Variants in NECTIN1 observed in about 807,000 individuals in gnomAD.
NECTIN1 encodes the protein nectin-1.
Under a neutral mutation model 48.0 loss-of-function variants are expected in NECTIN1, and 23 were observed. The ratio of observed to expected loss-of-function variants is 0.48; its 90% CI spans 0.34 to 0.68. The LOEUF (loss-of-function observed/expected upper bound fraction) is 0.68. Ranked by LOEUF, NECTIN1 falls within the 30% of genes least tolerant of loss-of-function variation. The pLI is 0.01. For synonymous variants in NECTIN1, 270 were observed against 288.9 expected (o/e 0.93, Z 0.66); for missense variants, 591 against 709.9 (o/e 0.83, Z 1.90).
intron 1 of NECTIN1, among the ~76,000 whole-genome samples, chr11:119,690,425 T>A (rs1026154718): frequency 6.6e-6 from 1 of 152,090 alleles, no homozygotes; most frequent in Non-Finnish European, 1.5e-5. Flanking sequence ...GCAGTCTTTA[T>A]CCGATGTGCT....
Position 119,661,047 on chromosome 11 carries a change from T to G in NECTIN1, c.*3700A>C, listed in dbSNP as rs1864653815. On this transcript the variant is annotated 3_prime_UTR_variant, in exon 6 of 6. Transcript: ENST00000264025. ...TACATTTTTAATCCTCAGTACATTT[T>G]CAACCCATCATTTTTTTTTAATACA... 3 of 981,268 alleles carry G rather than the reference T, an allele frequency of 3.1e-6. No homozygotes were observed. Among genetic ancestry groups the G allele is most frequent in the Non-Finnish European group, 2.4e-6 (2 of 825,826 alleles). The allele number at this position is 981,268 out of a possible 1,614,324, so 60.8% of individuals were successfully genotyped here.
intron 1 of NECTIN1, among the ~76,000 whole-genome samples, chr11:119,702,156 G>C (rs528714578): frequency 2.0e-5 from 3 of 152,164 alleles, no homozygotes; most frequent in Non-Finnish European, 2.9e-5. Context: ...TCTGTGTGAT[G>C]TGATCTCATC....
chr11:119,664,405 G>A lies in NECTIN1; in HGVS notation c.*342C>T. On this transcript the variant is annotated 3_prime_UTR_variant, in exon 6 of 6. Transcript: ENST00000264025. ...CCAGTGTAGGGGGGCGGGGGAGGCT[G>A]GCTCCCCAAACCCTGGAGGGATGCC... is the stretch of plus-strand genomic sequence containing the variant. 1 of 1,094,554 alleles carries A rather than the reference G, an allele frequency of 9.1e-7. No homozygotes were observed. Among genetic ancestry groups the A allele is most frequent in the Non-Finnish European group, 1.1e-6 (1 of 898,728 alleles). 67.8% of individuals were successfully genotyped at this position (1,094,554 alleles called of 1,614,324 possible).
Position 119,673,016 on chromosome 11 carries a change from G to C in NECTIN1, c.1003+2143C>G, listed in dbSNP as rs1040238823. Among the ~76,000 whole-genome samples the C allele has an allele frequency of 6.6e-6, 1 of 152,148 alleles. No individual in the cohort carries two copies. The highest frequency in any genetic ancestry group is 2.4e-5 in the African/African-American group (1 of 41,416). On this transcript the variant is annotated intron_variant, in intron 5 of 5. Transcript: ENST00000264025. This position sits in a 1 kb window ranked among gnomAD's most constrained non-coding sequence, Gnocchi z 5.8. ...TGTGCCCAGGGTAAAGTTATTACCC[G>C]AACGAATGCCCAGAATGAAAAATTA...
intron 1 of NECTIN1, among the ~76,000 whole-genome samples, chr11:119,711,276 G>A (rs1295332671): frequency 6.6e-6 from 1 of 151,980 alleles, no homozygotes; most frequent in Non-Finnish European, 1.5e-5. Context: ...TGTAATCCCA[G>A]CTACTTGGGA....
intron 1 of NECTIN1, among the ~76,000 whole-genome samples, chr11:119,711,110 CTGG>C (rs1865637273): frequency 2.0e-5 from 2 of 99,012 alleles, no homozygotes; most frequent in African/African-American, 3.9e-5. Context: ...GGGAGGCTGG[CTGG>C]GCACGGTGGC....
At chr11:119,646,220 A>G (rs1413021825) in intron 5 of NECTIN1, among the ~76,000 whole-genome samples, 6 of 152,224 alleles carry the variant, frequency 3.9e-5, no homozygotes, top group African/African-American at 1.2e-4. Context: ...CCCATTCTTC[A>G]GACCTCCTGG....
intron 1 of NECTIN1, among the ~76,000 whole-genome samples, chr11:119,712,355 C>T (rs1198274214): frequency 8.4e-6 from 1 of 119,200 alleles, no homozygotes; most frequent in African/African-American, 2.6e-5. Context: ...CCAGTTCAGG[C>T]CCCCGAGTCT....
chr11:119,689,895 G>A (rs1865223203), intron 1 of NECTIN1, among the ~76,000 whole-genome samples: 1 of 152,268 alleles, frequency 6.6e-6, no homozygotes, highest in Non-Finnish European at 1.5e-5. Context: ...TTCCAAAGCA[G>A]CTTGAGAAGA....
At chr11:119,690,480 C>T (rs371936110) in intron 1 of NECTIN1, among the ~76,000 whole-genome samples, 2 of 152,154 alleles carry the variant, frequency 1.3e-5, no homozygotes, top group Non-Finnish European at 2.9e-5. Flanking sequence ...GGATGGGAAA[C>T]GGAACTAGCA....
rs75360292 is a variant in NECTIN1 at position 119,644,274 on chromosome 11, C to T, written c.1004-4262G>A. On this transcript the variant is annotated intron_variant, in intron 5 of 7. Transcript: ENST00000341398. ...CATTCTGGGGGCTGCAGGCCGCGTG[C>T]TACTGGGGCTTCTCTGCTCTTCCAG... 7.9e-3 allele frequency among the ~76,000 whole-genome samples: 1,203 copies of T among 152,312 alleles called. 8 individuals carry two copies. Among genetic ancestry groups the T allele is most frequent in the Non-Finnish European group, 0.012 (827 of 68,016 alleles).
intron 1 of NECTIN1, among the ~76,000 whole-genome samples, chr11:119,707,022 G>A (rs1448871022): frequency 2.0e-5 from 3 of 152,192 alleles, no homozygotes; most frequent in Non-Finnish European, 2.9e-5. Flanking sequence ...AGAGGGGTTA[G>A]AATCTATCAT....
Position 119,677,714 on chromosome 11 carries a change from C to G in NECTIN1, c.574G>C (p.Glu192Gln). ...TTCCGGATCTCCTGGTACTCTGCCT[C>G]ACCTTTTAACCGAGTTTCCCAGGAT... ...VVSWETRLKG[E>Q]AEYQEIRNPN... Residue 192 changes from glutamate (E) to glutamine (Q), a missense_variant, in exon 3 of 6, where the codon GAG (glutamate) becomes CAG (glutamine). Transcript: ENST00000264025. The surrounding 1 kb of genome is among the most constrained non-coding windows in gnomAD (Gnocchi z 5.4). The G allele has an allele frequency of 6.2e-7, 1 of 1,614,146 alleles. No homozygotes were observed. The highest frequency in any genetic ancestry group is 8.5e-7 in the Non-Finnish European group (1 of 1,180,026).
Position 119,678,553 on chromosome 11 carries a change from C to G in NECTIN1, c.292G>C (p.Glu98Gln). ...SVLAPYRERV[E>Q]FLRPSFTDGT... Reference sequence around the variant, plus strand: ...TCGGTGAAGGAGGGCCGCAGGAATTCCACACGCTCGCGGTAGGGAGCCAGC... The same window carrying G: ...TCGGTGAAGGAGGGCCGCAGGAATTGCACACGCTCGCGGTAGGGAGCCAGC... The change falls in exon 2 of 6, where the codon GAA becomes CAA. Residue 98 changes from glutamate to glutamine, a missense_variant. Transcript: ENST00000264025. The surrounding 1 kb of genome is among the most constrained non-coding windows in gnomAD (Gnocchi z 4.4). The G allele has an allele frequency of 6.2e-7, 1 of 1,614,216 alleles. No homozygotes were observed. The highest frequency in any genetic ancestry group is 1.1e-5 in the South Asian group (1 of 91,082).
At chr11:119,676,141 A>C (rs1864944726) in intron 4 of NECTIN1, among the ~76,000 whole-genome samples, 1 of 152,224 alleles carries the variant, frequency 6.6e-6, no homozygotes, top group Admixed American at 6.5e-5. Context: ...AGTATGTTCC[A>C]TTCCACTACT....
chr11:119,666,965 C>T (rs980859319), intron 5 of NECTIN1, among the ~76,000 whole-genome samples: 1 of 152,120 alleles, frequency 6.6e-6, no homozygotes, highest in Non-Finnish European at 1.5e-5. Context: ...GCCAGGACCC[C>T]CCAGGGGCTC....
chr11:119,703,341 A>C (rs1214516378), intron 1 of NECTIN1, among the ~76,000 whole-genome samples: 1 of 152,238 alleles, frequency 6.6e-6, no homozygotes, highest in African/African-American at 2.4e-5. Context: ...TGCTGGCACC[A>C]ACGGGACAGA....
At chr11:119,646,085 C>T (rs957086964) in intron 5 of NECTIN1, among the ~76,000 whole-genome samples, 7 of 152,218 alleles carry the variant, frequency 4.6e-5, no homozygotes, top group Non-Finnish European at 8.8e-5. Flanking sequence ...CTTCCTCTAG[C>T]CTGGACTGGC....
At chr11:119,648,260 T>C in intron 5 of NECTIN1, among the ~76,000 whole-genome samples, 1 of 68,968 alleles carries the variant, frequency 1.4e-5, no homozygotes, top group African/African-American at 4.6e-5. Context: ...ATAGAGGTGG[T>C]AATAGTGGTG....
Sources: gnomAD v4.1 joint callset for allele counts (sites outside exome capture counted in the v4.1 genomes callset) on GRCh38, gnomAD v4.1.1 for gene constraint, Gnocchi (gnomAD v3.1) non-coding constraint, MANE v1.5 for transcripts, NCBI Gene and HGNC (gene_info 2026-07-23, HGNC 2026-07-21) for gene names.